Variants in NOS1 observed in about 807,000 individuals in gnomAD.
NOS1 encodes the protein nitric oxide synthase 1.
In NOS1, 51 loss-of-function variants were observed where a neutral mutation model predicts 164.5. That is an observed-to-expected ratio of 0.31 (90% CI 0.25 to 0.39). The LOEUF (loss-of-function observed/expected upper bound fraction) is 0.39, where lower values mean the gene tolerates loss of function less well. NOS1 is among the 10% of genes least tolerant of loss of function. NOS1 has a pLI of 1.00. For synonymous variants in NOS1, 719 were observed against 745.8 expected (o/e 0.96, Z 0.59); for missense variants, 1,362 against 1,885.6 (o/e 0.72, Z 5.14).
At chr12:117,241,970 G>T (rs1870213308) in intron 20 of NOS1, among the ~76,000 whole-genome samples, 1 of 152,206 alleles carries the variant, frequency 6.6e-6, no homozygotes, top group Non-Finnish European at 1.5e-5. Flanking sequence ...TGACTTGAAG[G>T]AATCAGGCCC....
Position 117,272,259 on chromosome 12 carries a change from G to A in NOS1, c.1839+126C>T. On this transcript the variant is annotated intron_variant, in intron 10 of 28. Coordinates refer to ENST00000317775, the MANE Select transcript of NOS1 (RefSeq NM_000620.5). The surrounding 1 kb of genome is among the most constrained non-coding windows in gnomAD (Gnocchi z 4.3). ...CTGGCATTTCCAGGGGCTTCTCTGGGATTGCAATTCTATTCTAACCCCTTC... is the reference window on the plus strand; with the variant it reads ...CTGGCATTTCCAGGGGCTTCTCTGGAATTGCAATTCTATTCTAACCCCTTC... 2.1e-6 allele frequency: 2 copies of A among 971,804 alleles called. No homozygotes were observed. Among genetic ancestry groups the A allele is most frequent in the Non-Finnish European group, 3.2e-6 (2 of 625,444 alleles). 60.2% of individuals were successfully genotyped at this position (971,804 alleles called of 1,614,324 possible). A position where few individuals can be genotyped will look rare whatever the true frequency, so the allele number is the denominator to read the frequency against.
At chr12:117,237,271 A>G (rs1042224014) in intron 20 of NOS1, among the ~76,000 whole-genome samples, 4 of 151,878 alleles carry the variant, frequency 2.6e-5, no homozygotes, top group Non-Finnish European at 5.9e-5. Context: ...AGCTGGGATT[A>G]CAGTAGCCCG....
chr12:117,286,934 G>A (rs1040066867), intron 5 of NOS1, among the ~76,000 whole-genome samples: 1 of 152,126 alleles, frequency 6.6e-6, no homozygotes, highest in Non-Finnish European at 1.5e-5. Context: ...AGGCATACAG[G>A]CCGGGTATGG....
At chr12:117,313,544 C>T (rs1218014313) in intron 2 of NOS1, among the ~76,000 whole-genome samples, 2 of 152,154 alleles carry the variant, frequency 1.3e-5, no homozygotes, top group Non-Finnish European at 2.9e-5. Flanking sequence ...GATCCTCTTG[C>T]CTCGGCCTCT....
intron 7 of NOS1, among the ~76,000 whole-genome samples, chr12:117,281,240 C>T (rs1012937841): frequency 4.6e-5 from 7 of 152,136 alleles, no homozygotes; most frequent in Admixed American, 2.0e-4. Flanking sequence ...ATGCACTAGA[C>T]GCCGGGCGCG....
chr12:117,289,483 T>C (rs1322617237), intron 4 of NOS1, among the ~76,000 whole-genome samples: 1 of 152,358 alleles, frequency 6.6e-6, no homozygotes, highest in Admixed American at 6.5e-5. Context: ...AGAATAAACC[T>C]GAGAGGGGCT....
intron 17 of NOS1, among the ~76,000 whole-genome samples, 191 bp downstream of exon 17, chr12:117,253,447 T>C (rs1402769980): frequency 4.0e-5 from 6 of 151,772 alleles, no homozygotes; most frequent in African/African-American, 1.5e-4. Context: ...GGATAAAAAA[T>C]GGTGCACGGG....
chr12:117,283,226 A>G (rs1325606570), intron 7 of NOS1, among the ~76,000 whole-genome samples: 1 of 151,456 alleles, frequency 6.6e-6, no homozygotes, highest in African/African-American at 2.4e-5. Flanking sequence ...ACGTCCTACT[A>G]ATTTTTTGCA....
intron 25 of NOS1, among the ~76,000 whole-genome samples, chr12:117,224,636 T>G (rs182196179): frequency 1.3e-5 from 2 of 152,152 alleles, no homozygotes; most frequent in Non-Finnish European, 2.9e-5. Context: ...TCTCTCTCTC[T>G]CCTCCCAAAG....
intron 20 of NOS1, among the ~76,000 whole-genome samples, chr12:117,236,109 C>T (rs1040687859): frequency 6.6e-6 from 1 of 152,186 alleles, no homozygotes; most frequent in African/African-American, 2.4e-5. Context: ...CTGCATTTCA[C>T]CCAACACCTG....
At chr12:117,316,897 T>C (rs1271008483) in intron 2 of NOS1, among the ~76,000 whole-genome samples, 2 of 152,156 alleles carry the variant, frequency 1.3e-5, no homozygotes, top group South Asian at 2.1e-4. Context: ...TATTATTTTA[T>C]TGAGACAGAG....
At chr12:117,227,791 C>T in intron 22 of NOS1, 150 bp from the exon 23 acceptor site, 2 of 749,232 alleles carry the variant, frequency 2.7e-6, no homozygotes, top group Non-Finnish European at 2.3e-6. Context: ...CTTTGGGGGG[C>T]CGGGGAGAGA....
chr12:117,240,015 A>G (rs1220625000), intron 20 of NOS1, among the ~76,000 whole-genome samples: 3 of 152,118 alleles, frequency 2.0e-5, no homozygotes, highest in Non-Finnish European at 4.4e-5. Flanking sequence ...TTAGTATCAA[A>G]ACATTTGCAA....
chr12:117,335,763 A>AGAGAGAGAGAGAGAGAGG (rs1566081635), intron 1 of NOS1, among the ~76,000 whole-genome samples: 14 of 131,298 alleles, frequency 1.1e-4, no homozygotes, highest in African/African-American at 3.6e-4. Context: ...AGAGAGAGAG[A>AGAGAGAGAGAGAGAGAGG]GAGAGAGACA....
chr12:117,318,033 G>A lies in NOS1; in HGVS notation c.726-6441C>T, dbSNP rs534316100. Among the ~76,000 whole-genome samples the A allele has an allele frequency of 9.2e-5, 14 of 152,262 alleles. No individual in the cohort carries two copies. The South Asian group carries it at 1.0e-3, about 11-fold the overall frequency. On this transcript the variant is annotated intron_variant, in intron 2 of 28. Transcript: ENST00000317775. ...CACAAAATAAAAAAATTAGCTGAGC[G>A]TGGTGGCACCTGCCTATAGTCCCAA...
intron 28 of NOS1, 54 bp downstream of exon 28, chr12:117,217,992 G>A: frequency 1.6e-6 from 2 of 1,275,920 alleles, no homozygotes; most frequent in Non-Finnish European, 2.3e-6. Context: ...TGCCCAGTGG[G>A]ACCTAGAAGA....
chr12:117,268,421 G>A (rs1433488034), intron 10 of NOS1, among the ~76,000 whole-genome samples: 2 of 151,600 alleles, frequency 1.3e-5, no homozygotes, highest in African/African-American at 4.8e-5. Flanking sequence ...TAGTAGAGAC[G>A]GGGTTTCACC....
intron 3 of NOS1, among the ~76,000 whole-genome samples, chr12:117,308,859 T>C (rs976812011): frequency 2.0e-5 from 3 of 152,156 alleles, no homozygotes; most frequent in Non-Finnish European, 4.4e-5. Flanking sequence ...CCTCCCAAAG[T>C]GCTGGGATTA....
In NOS1 at chr12:117,262,768, T is replaced by A. The variant is rs1390468021; in HGVS notation, c.2222+1121A>T. 7.9e-4 allele frequency among the ~76,000 whole-genome samples: 4 copies of A among 5,086 alleles called. No individual in the cohort carries two copies. The East Asian group carries it at 0.2, about 254-fold the overall frequency. The allele number at this position is 5,086 out of a possible 152,430, so 3.3% of individuals were successfully genotyped here. On this transcript the variant is annotated intron_variant, in intron 13 of 28. Coordinates refer to ENST00000317775, the MANE Select transcript of NOS1 (RefSeq NM_000620.5). ...GGTAAGTGGATCAGTGGGGTTCTCT[T>A]TTTTTTGGGGCAGAAGGCTGGCATC...
Sources: allele counts gnomAD v4.1 joint callset (sites outside exome capture counted in the v4.1 genomes callset), GRCh38; gene constraint gnomAD v4.1.1; non-coding constraint Gnocchi (gnomAD v3.1); transcripts MANE v1.5; gene names NCBI Gene and HGNC (gene_info 2026-07-23, HGNC 2026-07-21).